Variants in ZNF423 observed in about 807,000 individuals in gnomAD.
ZNF423 encodes the protein zinc finger protein 423, also known as Ebf-associated zinc finger protein.
A neutral mutation model predicts 95.8 loss-of-function variants in ZNF423; 12 were observed. The ratio of observed to expected loss-of-function variants is 0.13; its 90% CI spans 0.08 to 0.20. The LOEUF is 0.20. Among genes scored for constraint, ZNF423 ranks in the 10% least tolerant of loss-of-function variants. The pLI is 1.00. For missense variants in ZNF423, 1,316 were observed against 1,737.1 expected (o/e 0.76, Z 4.31); for synonymous variants, 749 against 711.9 (o/e 1.05, Z -0.83).
chr16:49,529,010 C>T (rs938730035), intron 5 of ZNF423, among the ~76,000 whole-genome samples: 1 of 151,850 alleles, frequency 6.6e-6, no homozygotes, highest in Non-Finnish European at 1.5e-5. Context: ...AGTGCTCGGC[C>T]GACACCTTGG....
intron 5 of ZNF423, among the ~76,000 whole-genome samples, chr16:49,586,093 G>A (rs1280154296): frequency 2.0e-5 from 3 of 152,158 alleles, no homozygotes; most frequent in Non-Finnish European, 2.9e-5. Context: ...AAACAGCAAC[G>A]AAAGAGCACT....
chr16:49,525,010 C>T lies in ZNF423; in HGVS notation c.3733+353G>A, dbSNP rs571993058. Among the ~76,000 whole-genome samples, 6 of 152,326 alleles carry T rather than the reference C, an allele frequency of 3.9e-5. No individual in the cohort carries two copies. The East Asian group carries it at 1.2e-3, about 29-fold the overall frequency. Reference sequence around the variant, plus strand: ...AGCCCCAGAAGTGCTGAATAGAGCTCAAGGCTCGGGGAGACAAACACAGGG... The same window carrying T: ...AGCCCCAGAAGTGCTGAATAGAGCTTAAGGCTCGGGGAGACAAACACAGGG... On this transcript the variant is annotated intron_variant, in intron 6 of 7. Transcript: ENST00000563137.
chr16:49,688,879 T>C (rs559444873), intron 3 of ZNF423, among the ~76,000 whole-genome samples: 1 of 152,292 alleles, frequency 6.6e-6, no homozygotes, highest in South Asian at 2.1e-4. Flanking sequence ...TCTTTGAGAA[T>C]GGCCACGCTA....
At chr16:49,676,837 G>T (rs1428775330) in intron 3 of ZNF423, among the ~76,000 whole-genome samples, 1 of 152,222 alleles carries the variant, frequency 6.6e-6, no homozygotes, top group Non-Finnish European at 1.5e-5. Context: ...AAGGAGTGGG[G>T]ATGGTGGACT....
chr16:49,814,584 T>G (rs2034807551), intron 1 of ZNF423, among the ~76,000 whole-genome samples: 1 of 151,964 alleles, frequency 6.6e-6, no homozygotes, highest in African/African-American at 2.4e-5. Context: ...AACACGCTTG[T>G]TCCTGAGAAG....
At chr16:49,749,819 A>G (rs971416155) in intron 2 of ZNF423, among the ~76,000 whole-genome samples, 1 of 152,064 alleles carries the variant, frequency 6.6e-6, no homozygotes, top group African/African-American at 2.4e-5. Context: ...TGGGGTTTCT[A>G]TCTTAGAAAA....
At chr16:49,622,206 T>G (rs888093544) in intron 5 of ZNF423, among the ~76,000 whole-genome samples, 5 of 152,186 alleles carry the variant, frequency 3.3e-5, no homozygotes, top group African/African-American at 1.2e-4. Flanking sequence ...AAGCCCTTGC[T>G]GCCACCTCTT....
chr16:49,534,627 G>A (rs1567450255), intron 5 of ZNF423, among the ~76,000 whole-genome samples: 2 of 152,116 alleles, frequency 1.3e-5, no homozygotes, highest in East Asian at 1.9e-4. Flanking sequence ...ATACAAACCC[G>A]CTGTGGGGGC....
intron 2 of ZNF423, among the ~76,000 whole-genome samples, chr16:49,761,589 G>A (rs919342115): frequency 3.9e-5 from 6 of 152,182 alleles, no homozygotes; most frequent in South Asian, 2.1e-4. Context: ...CCACCTCCCA[G>A]GGCTGTTGTA....
At chr16:49,794,729 C>T (rs1910807) in intron 1 of ZNF423, among the ~76,000 whole-genome samples, 3,122 of 152,306 alleles carry the variant, frequency 0.02, 94 homozygotes, top group African/African-American at 0.072. Flanking sequence ...CCTGCTAACC[C>T]GAACACCTCT....
chr16:49,527,100 G>C (rs1395162760), intron 5 of ZNF423, among the ~76,000 whole-genome samples: 1 of 152,166 alleles, frequency 6.6e-6, no homozygotes, highest in African/African-American at 2.4e-5. Flanking sequence ...GCAGGGGCTG[G>C]CAGAGACAGC....
intron 2 of ZNF423, among the ~76,000 whole-genome samples, chr16:49,784,491 T>C (rs1042504392): frequency 1.3e-5 from 2 of 152,124 alleles, no homozygotes; most frequent in African/African-American, 4.8e-5. Flanking sequence ...TCCCATACAA[T>C]AGAATATTAT....
chr16:49,838,711 G>C (rs987571523), intron 1 of ZNF423, among the ~76,000 whole-genome samples: 1 of 151,826 alleles, frequency 6.6e-6, no homozygotes, highest in Non-Finnish European at 1.5e-5. Context: ...GCGGGCGGCC[G>C]GGGGGCGGCC....
chr16:49,638,267 C>G lies in ZNF423; in HGVS notation c.909G>C (p.Leu303=), dbSNP rs1363273312. ...RHPQLSEKAD[L]QCIHCPEVFV... is the part of the protein sequence containing the mutation. ...AGACCTCAGGGCAGTGAATGCACTG[C>G]AGGTCCGCCTTCTCGGACAGCTGCG... Residue 303 remains leucine (L), a synonymous_variant, in exon 4 of 8, where the codon CTG becomes CTC. Coordinates refer to ENST00000563137, the MANE Select transcript of ZNF423 (RefSeq NM_001379286.1). This position sits in a 1 kb window ranked among gnomAD's most constrained non-coding sequence, Gnocchi z 5.6. 6.2e-7 allele frequency: 1 copy of G among 1,612,970 alleles called. No homozygotes were observed. Among genetic ancestry groups the G allele is most frequent in the South Asian group, 1.1e-5 (1 of 91,088 alleles).
At chr16:49,491,809 A>C (rs1219420607) in intron 7 of ZNF423, among the ~76,000 whole-genome samples, 1 of 151,908 alleles carries the variant, frequency 6.6e-6, no homozygotes, top group Non-Finnish European at 1.5e-5. Context: ...GCCAAGAAAC[A>C]CCCGAGCGGG....
chr16:49,684,754 G>A (rs1038577124), intron 3 of ZNF423, among the ~76,000 whole-genome samples: 4 of 152,240 alleles, frequency 2.6e-5, no homozygotes, highest in African/African-American at 9.6e-5. Context: ...TGAGCCCTGG[G>A]CCCCTCCACC....
chr16:49,706,691 T>C (rs868253131), intron 3 of ZNF423, among the ~76,000 whole-genome samples: 2 of 152,310 alleles, frequency 1.3e-5, no homozygotes, highest in Middle Eastern at 6.8e-3. Context: ...GAAAAATAGG[T>C]CACTTCAGTG....
chr16:49,498,160 A>G (rs1282147181), intron 7 of ZNF423, among the ~76,000 whole-genome samples: 2 of 152,166 alleles, frequency 1.3e-5, no homozygotes, highest in Non-Finnish European at 2.9e-5. Context: ...GCCAGACACC[A>G]TTCTTAACCT....
chr16:49,810,764 T>C (rs1179227431), intron 1 of ZNF423, among the ~76,000 whole-genome samples: 1 of 152,166 alleles, frequency 6.6e-6, no homozygotes, highest in Non-Finnish European at 1.5e-5. Context: ...CTCTCGGAAA[T>C]GCCATGGGTA....
Sources: gnomAD v4.1 joint callset for allele counts (sites outside exome capture counted in the v4.1 genomes callset) on GRCh38, gnomAD v4.1.1 for gene constraint, Gnocchi (gnomAD v3.1) non-coding constraint, MANE v1.5 for transcripts, NCBI Gene and HGNC (gene_info 2026-07-23, HGNC 2026-07-21) for gene names.